The following PPP1R2B variants were observed in gnomAD, a reference collection of about 807,000 sequenced individuals.
The protein encoded by PPP1R2B is protein phosphatase inhibitor 2 family member B.
PPP1R2B carries 13 observed loss-of-function variants against 17.6 expected under a neutral mutation model. That is an observed-to-expected ratio of 0.74 (90% CI 0.48 to 1.17). The LOEUF (loss-of-function observed/expected upper bound fraction) is 1.17. PPP1R2B is among the 50% of genes most tolerant of loss of function. The pLI, the probability that PPP1R2B is intolerant of heterozygous loss-of-function variation, is 0.00. For synonymous variants in PPP1R2B, 105 were observed against 95.4 expected, an observed-to-expected ratio of 1.10 and a Z score of -0.59; for missense variants, 230 against 252.4, an observed-to-expected ratio of 0.91 and a Z score of 0.60.
chr5:156,850,532 G>A lies in PPP1R2B; in HGVS notation c.-31G>A, dbSNP rs1758462682. Reference sequence around the variant, plus strand: ...CTTCGCGGACCCCACGCCAAGCAGCGACCCTGAGGCGACAGCCGGAGCGCC... The same window carrying A: ...CTTCGCGGACCCCACGCCAAGCAGCAACCCTGAGGCGACAGCCGGAGCGCC... On this transcript the variant is annotated 5_prime_UTR_variant, in exon 1 of 1. Coordinates refer to ENST00000522232, the MANE Select transcript of PPP1R2B (RefSeq NM_206858.3). The A allele has an allele frequency of 1.9e-6, 3 of 1,573,692 alleles. No individual in the cohort carries two copies. The highest frequency in any genetic ancestry group is 1.4e-5 in the African/African-American group (1 of 74,056).
chr5:156,850,602 A>G lies in PPP1R2B; in HGVS notation c.40A>G (p.Ile14Val), dbSNP rs776021622. 6.3e-7 allele frequency: 1 copy of G among 1,598,216 alleles called. No homozygotes were observed. The highest frequency in any genetic ancestry group is 1.9e-4 in the Middle Eastern group (1 of 5,254). Reference sequence around the variant, plus strand: ...GGCCTCCCACCGGCCCATCAAGGGGATCTTGAAGAACAAGACCTCTACGAC... The same window carrying G: ...GGCCTCCCACCGGCCCATCAAGGGGGTCTTGAAGAACAAGACCTCTACGAC... ...STASHRPIKG[I>V]LKNKTSTTSS... is the part of the protein sequence containing the mutation. The change falls in exon 1 of 1, where the codon ATC (isoleucine) becomes GTC (valine). Residue 14 changes from isoleucine (I) to valine (V), a missense_variant. Transcript: ENST00000522232.
Position 156,850,320 on chromosome 5 carries a change from C to A in PPP1R2B, c.-243C>A, listed in dbSNP as rs543916279. Among the ~76,000 whole-genome samples the A allele has an allele frequency of 2.8e-4, 42 of 150,220 alleles. No individual in the cohort carries two copies. Among genetic ancestry groups the A allele is most frequent in the African/African-American group, 1.0e-3 (42 of 40,984 alleles). On this transcript the variant is annotated 5_prime_UTR_variant, in exon 1 of 1. Transcript: ENST00000522232. Reference sequence around the variant, plus strand: ...GGAGCTCTAGGCCGGCATCTCTCCGCGAGCCGCGGGTCAAGTGCCGGCGGC... The same window carrying A: ...GGAGCTCTAGGCCGGCATCTCTCCGAGAGCCGCGGGTCAAGTGCCGGCGGC...
chr5:156,851,394 A>G lies in PPP1R2B; in HGVS notation c.*214A>G, dbSNP rs1236387571. Reference sequence around the variant, plus strand: ...TTATGCCTAGTACTTTACCACAAATACAGTGTAATATCATCAGTCCAAAAC... The same window carrying G: ...TTATGCCTAGTACTTTACCACAAATGCAGTGTAATATCATCAGTCCAAAAC... On this transcript the variant is annotated 3_prime_UTR_variant, in exon 1 of 1. Coordinates refer to ENST00000522232, the MANE Select transcript of PPP1R2B (RefSeq NM_206858.3). The G allele has an allele frequency of 1.6e-6, 1 of 606,540 alleles. No individual in the cohort carries two copies. Among genetic ancestry groups the G allele is most frequent in the Non-Finnish European group, 2.9e-6 (1 of 344,294 alleles). 37.6% of individuals were successfully genotyped at this position (606,540 alleles called of 1,614,324 possible).
chr5:156,850,975 G>A lies in PPP1R2B; in HGVS notation c.413G>A (p.Arg138Gln), dbSNP rs1296335272. ...DLSPEEREKK[R>Q]QFEMRRKLHY... Reference sequence around the variant, plus strand: ...TCACCTGAAGAACGAGAAAAAAAGCGACAATTTGAAATGAGAAGGAAGCTT... The same window carrying A: ...TCACCTGAAGAACGAGAAAAAAAGCAACAATTTGAAATGAGAAGGAAGCTT... Residue 138 changes from arginine (R) to glutamine (Q), a missense_variant, in exon 1 of 1, where the codon CGA becomes CAA. Coordinates refer to ENST00000522232, the MANE Select transcript of PPP1R2B (RefSeq NM_206858.3). 7 of 1,613,456 alleles carry A rather than the reference G, an allele frequency of 4.3e-6. No individual in the cohort carries two copies. The highest frequency in any genetic ancestry group is 1.7e-5 in the Admixed American group (1 of 60,000).
In PPP1R2B at chr5:156,851,454, A is replaced by G. The variant is rs80264613; in HGVS notation, c.*274A>G. 0.017 allele frequency: 9,024 copies of G among 523,690 alleles called. 660 individuals are homozygous for G. The highest frequency in any genetic ancestry group is 0.16 in the African/African-American group (8,174 of 52,120). 32.4% of individuals were successfully genotyped at this position (523,690 alleles called of 1,614,324 possible). On this transcript the variant is annotated 3_prime_UTR_variant, in exon 1 of 1. Coordinates refer to ENST00000522232, the MANE Select transcript of PPP1R2B (RefSeq NM_206858.3). ...TTCATAAGAACACTGGTTAATTTGT[A>G]TAAGATATTATAGAGCTTTTTATGC...
Position 156,850,653 on chromosome 5 carries a change from C to A in PPP1R2B, c.91C>A (p.Gln31Lys), listed in dbSNP as rs1270323443. The change falls in exon 1 of 1, where the codon CAG becomes AAG. Residue 31 changes from glutamine to lysine, a missense_variant. Gln to Lys is a moderately conservative substitution (Grantham distance 53). Transcript: ENST00000522232. ...TTSSMVASAE[Q>K]PRRSVDEELS... ...TTCCTCTATGGTGGCGTCGGCCGAA[C>A]AGCCCCGCAGGAGTGTCGACGAGGA... The A allele has an allele frequency of 2.5e-6, 4 of 1,596,680 alleles. No individual in the cohort carries two copies. The highest frequency in any genetic ancestry group is 3.4e-6 in the Non-Finnish European group (4 of 1,165,418).
At position 156,851,236 on chromosome 5, in the gene PPP1R2B, T is replaced by C. The variant is rs935880325; in HGVS notation, c.*56T>C. 3 of 1,358,812 alleles carry C rather than the reference T, an allele frequency of 2.2e-6. No homozygotes were observed. The African/African-American group carries it at 4.3e-5, about 19-fold the overall frequency. The allele number at this position is 1,358,812 out of a possible 1,614,324, so 84.2% of individuals were successfully genotyped here. ...TTAGATATAAACCCTGTGACTATAATACATTGCTTCTTGTTCTCCACAATT... is the reference window on the plus strand; with the variant it reads ...TTAGATATAAACCCTGTGACTATAACACATTGCTTCTTGTTCTCCACAATT... On this transcript the variant is annotated 3_prime_UTR_variant, in exon 1 of 1. Coordinates refer to ENST00000522232, the MANE Select transcript of PPP1R2B (RefSeq NM_206858.3).
rs1321482543 is a variant in PPP1R2B at position 156,851,890 on chromosome 5, A to G, written c.*710A>G. Reference sequence around the variant, plus strand: ...GTTTTTGTTTTTTAATGTTTTTGGTACACTGGGCAGACTTCAGAGCAGTTT... The same window carrying G: ...GTTTTTGTTTTTTAATGTTTTTGGTGCACTGGGCAGACTTCAGAGCAGTTT... On this transcript the variant is annotated 3_prime_UTR_variant, in exon 1 of 1. Coordinates refer to ENST00000522232, the MANE Select transcript of PPP1R2B (RefSeq NM_206858.3). 2.0e-5 allele frequency: 3 copies of G among 152,716 alleles called. No homozygotes were observed. The highest frequency in any genetic ancestry group is 4.4e-5 in the Non-Finnish European group (3 of 68,114). 9.5% of individuals were successfully genotyped at this position (152,716 alleles called of 1,614,324 possible).
Position 156,851,855 on chromosome 5 carries a change from G to A in PPP1R2B, c.*675G>A, listed in dbSNP as rs1039791736. On this transcript the variant is annotated 3_prime_UTR_variant, in exon 1 of 1. Coordinates refer to ENST00000522232, the MANE Select transcript of PPP1R2B (RefSeq NM_206858.3). ...AATGTCTGCTCTGTTTTTTGGCAGG[G>A]GGTTTGTTTGTTTTTGTTTTTTAAT... is the stretch of plus-strand genomic sequence containing the variant. The A allele has an allele frequency of 1.2e-4, 18 of 152,630 alleles. No homozygotes were observed. Among genetic ancestry groups the A allele is most frequent in the African/African-American group, 4.3e-4 (18 of 41,426 alleles). 9.5% of individuals were successfully genotyped at this position (152,630 alleles called of 1,614,324 possible).
chr5:156,850,587 C>G lies in PPP1R2B; in HGVS notation c.25C>G (p.Arg9Gly). 1 of 1,592,840 alleles carries G rather than the reference C, an allele frequency of 6.3e-7. No individual in the cohort carries two copies. Among genetic ancestry groups the G allele is most frequent in the Non-Finnish European group, 8.6e-7 (1 of 1,169,520 alleles). Reference sequence around the variant, plus strand: ...AATGGCGGCCTCGACGGCCTCCCACCGGCCCATCAAGGGGATCTTGAAGAA... The same window carrying G: ...AATGGCGGCCTCGACGGCCTCCCACGGGCCCATCAAGGGGATCTTGAAGAA... MAASTASH[R>G]PIKGILKNKT... The change falls in exon 1 of 1, where the codon CGG (arginine) becomes GGG (glycine). Residue 9 changes from arginine to glycine, a missense_variant. Arg to Gly is a moderately radical substitution (Grantham distance 125). Transcript: ENST00000522232.
Position 156,851,441 on chromosome 5 carries a change from C to G in PPP1R2B, c.*261C>G. The G allele has an allele frequency of 1.8e-6, 1 of 554,384 alleles. No individual in the cohort carries two copies. Among genetic ancestry groups the G allele is most frequent in the Non-Finnish European group, 3.2e-6 (1 of 316,384 alleles). The allele number at this position is 554,384 out of a possible 1,614,324, so 34.3% of individuals were successfully genotyped here. A position where few individuals can be genotyped will look rare whatever the true frequency, so the allele number is the denominator to read the frequency against. On this transcript the variant is annotated 3_prime_UTR_variant, in exon 1 of 1. Transcript: ENST00000522232. ...AAACTGCATTACTTTCATAAGAACA[C>G]TGGTTAATTTGTATAAGATATTATA...
chr5:156,851,561 G>A lies in PPP1R2B; in HGVS notation c.*381G>A, dbSNP rs1758481210. ...TGTGGTAGCTCTTACAAAGTTTGTT[G>A]ATTTGTTTTTTTAAAAATCAAAAGC... On this transcript the variant is annotated 3_prime_UTR_variant, in exon 1 of 1. Transcript: ENST00000522232. 1 of 226,686 alleles carries A rather than the reference G, an allele frequency of 4.4e-6. No individual in the cohort carries two copies. The highest frequency in any genetic ancestry group is 1.1e-4 in the East Asian group (1 of 9,160). 14.0% of individuals were successfully genotyped at this position (226,686 alleles called of 1,614,324 possible).
At position 156,850,476 on chromosome 5, in the gene PPP1R2B, G is replaced by C; in HGVS notation, c.-87G>C. On this transcript the variant is annotated 5_prime_UTR_variant, in exon 1 of 1. Coordinates refer to ENST00000522232, the MANE Select transcript of PPP1R2B (RefSeq NM_206858.3). ...TTAGCCCTGAGCGGGCTCTGCGGCT[G>C]CCTGCGAGTCTCTGCTGTGCCGACC... 6.7e-7 allele frequency: 1 copy of C among 1,488,090 alleles called. No homozygotes were observed. The highest frequency in any genetic ancestry group is 9.1e-7 in the Non-Finnish European group (1 of 1,102,992). 92.2% of individuals were successfully genotyped at this position (1,488,090 alleles called of 1,614,324 possible). A position where few individuals can be genotyped will look rare whatever the true frequency, so the allele number is the denominator to read the frequency against.
rs1051789888 is a variant in PPP1R2B, at chr5:156,850,363, C to T, written c.-200C>T. Among the ~76,000 whole-genome samples, 5 of 151,744 alleles carry T rather than the reference C, an allele frequency of 3.3e-5. No individual in the cohort carries two copies. Among genetic ancestry groups the T allele is most frequent in the African/African-American group, 1.2e-4 (5 of 41,324 alleles). ...CCGGCGGCTAATGGTGCGCGAGGAGCCGCCACCCATTCGGCGTTGGCTCTG... is the reference window on the plus strand; with the variant it reads ...CCGGCGGCTAATGGTGCGCGAGGAGTCGCCACCCATTCGGCGTTGGCTCTG... On this transcript the variant is annotated 5_prime_UTR_variant, in exon 1 of 1. Coordinates refer to ENST00000522232, the MANE Select transcript of PPP1R2B (RefSeq NM_206858.3).
At position 156,851,006 on chromosome 5, in the gene PPP1R2B, C is replaced by T; in HGVS notation, c.444C>T (p.Tyr148=). 2 of 1,613,492 alleles carry T rather than the reference C, an allele frequency of 1.2e-6. No individual in the cohort carries two copies. Among genetic ancestry groups the T allele is most frequent in the Non-Finnish European group, 1.7e-6 (2 of 1,179,466 alleles). ...TTGAAATGAGAAGGAAGCTTCACTA[C>T]AATGAAGGACTCAATATCAAACTAG... ...RQFEMRRKLH[Y]NEGLNIKLAR... Residue 148 remains tyrosine, a synonymous_variant, in exon 1 of 1, where the codon TAC becomes TAT. Transcript: ENST00000522232.
chr5:156,850,558 C>A lies in PPP1R2B; in HGVS notation c.-5C>A. The A allele has an allele frequency of 6.3e-7, 1 of 1,584,854 alleles. No individual in the cohort carries two copies. The highest frequency in any genetic ancestry group is 8.6e-7 in the Non-Finnish European group (1 of 1,165,642). On this transcript the variant is annotated 5_prime_UTR_variant, in exon 1 of 1. Coordinates refer to ENST00000522232, the MANE Select transcript of PPP1R2B (RefSeq NM_206858.3). Reference sequence around the variant, plus strand: ...ACCCTGAGGCGACAGCCGGAGCGCCCGGCAATGGCGGCCTCGACGGCCTCC... The same window carrying A: ...ACCCTGAGGCGACAGCCGGAGCGCCAGGCAATGGCGGCCTCGACGGCCTCC...
chr5:156,850,528 C>T lies in PPP1R2B; in HGVS notation c.-35C>T. On this transcript the variant is annotated 5_prime_UTR_variant, in exon 1 of 1. It introduces an in-frame stop codon into an upstream open reading frame of the 5' UTR. Transcript: ENST00000522232. ...TTCTCTTCGCGGACCCCACGCCAAG[C>T]AGCGACCCTGAGGCGACAGCCGGAG... 1 of 1,571,318 alleles carries T rather than the reference C, an allele frequency of 6.4e-7. No homozygotes were observed. The highest frequency in any genetic ancestry group is 2.3e-4 in the Middle Eastern group (1 of 4,396).
At position 156,852,093 on chromosome 5, in the gene PPP1R2B, G is replaced by C. The variant is rs539756688; in HGVS notation, c.*913G>C. On this transcript the variant is annotated 3_prime_UTR_variant, in exon 1 of 1. Transcript: ENST00000522232. The stretch of plus-strand genomic sequence containing the variant: ...TCTTTCTGTCACTCTTCTGTCATTT[G>C]CTGCTGTGTGGAAATTCTTATTTTG... The C allele has an allele frequency of 3.7e-4, 56 of 152,108 alleles. 1 individual carries two copies. The highest frequency in any genetic ancestry group is 1.3e-3 in the African/African-American group (56 of 41,518). The allele number at this position is 152,108 out of a possible 1,614,324, so 9.4% of individuals were successfully genotyped here. A position where few individuals can be genotyped will look rare whatever the true frequency, so the allele number is the denominator to read the frequency against.
chr5:156,850,856 C>T lies in PPP1R2B; in HGVS notation c.294C>T (p.Asp98=), dbSNP rs754768764. ...DTETTEAMAP[D]ILAKKLAAAE... ...AGACCACTGAAGCCATGGCGCCAGA[C>T]ATCCTAGCCAAGAAATTAGCTGCTG... The change falls in exon 1 of 1, where the codon GAC becomes GAT. Residue 98 remains aspartate, a synonymous_variant. Transcript: ENST00000522232. 1.0e-5 allele frequency: 16 copies of T among 1,572,144 alleles called. No individual in the cohort carries two copies. Among genetic ancestry groups the T allele is most frequent in the South Asian group, 2.2e-5 (2 of 90,032 alleles).
Sources: gnomAD v4.1 joint callset for allele counts (sites outside exome capture counted in the v4.1 genomes callset) on GRCh38, gnomAD v4.1.1 for gene constraint, MANE v1.5 for transcripts, NCBI Gene and HGNC (gene_info 2026-07-23, HGNC 2026-07-21) for gene names.